Variants in CCSER1 observed in about 807,000 individuals in gnomAD.
CCSER1 encodes the protein coiled-coil serine rich protein 1.
A neutral mutation model predicts 82.0 loss-of-function variants in CCSER1; 41 were observed. The observed-to-expected ratio is 0.50, with a 90% confidence interval of 0.39 to 0.65. The LOEUF (loss-of-function observed/expected upper bound fraction) is 0.65, where lower values mean the gene tolerates loss of function less well. Among genes scored for constraint, CCSER1 ranks in the 30% least tolerant of loss-of-function variants. The pLI, the probability that CCSER1 is intolerant of heterozygous loss-of-function variation, is 0.00. For synonymous variants in CCSER1, 414 were observed against 383.9 expected (o/e 1.08, Z -0.92); for missense variants, 1,119 against 1,064.2 (o/e 1.05, Z -0.72).
intron 9 of CCSER1, among the ~76,000 whole-genome samples, chr4:90,948,184 A>C (rs959524972): frequency 6.6e-6 from 1 of 152,016 alleles, no homozygotes; most frequent in African/African-American, 2.4e-5. Flanking sequence ...TAATTGATTC[A>C]AATGGTTTTC....
At chr4:90,846,494 T>C (rs1276947633) in intron 8 of CCSER1, among the ~76,000 whole-genome samples, 1 of 152,212 alleles carries the variant, frequency 6.6e-6, no homozygotes, top group African/African-American at 2.4e-5. Context: ...TTTTGATACA[T>C]GCAGATAATG....
At chr4:90,710,914 T>C (rs1740480499) in intron 6 of CCSER1, among the ~76,000 whole-genome samples, 1 of 152,078 alleles carries the variant, frequency 6.6e-6, no homozygotes, top group Non-Finnish European at 1.5e-5. Flanking sequence ...ATAAACTACT[T>C]TTGGGAAGTA....
Position 90,308,245 on chromosome 4 carries a change from C to T in CCSER1, c.-40C>T. The T allele has an allele frequency of 6.8e-7, 1 of 1,480,656 alleles. No homozygotes were observed. The highest frequency in any genetic ancestry group is 9.0e-7 in the Non-Finnish European group (1 of 1,115,950). 91.7% of individuals were successfully genotyped at this position (1,480,656 alleles called of 1,614,324 possible). Reference sequence around the variant, plus strand: ...TGTTTTTGTTTTAACCTTTCTCAGGCTGCAAAGTTGGCTTTCACAGTGCAA... The same window carrying T: ...TGTTTTTGTTTTAACCTTTCTCAGGTTGCAAAGTTGGCTTTCACAGTGCAA... On this transcript the variant is annotated splice_region_variant and 5_prime_UTR_variant, in exon 2 of 11. Transcript: ENST00000509176.
intron 10 of CCSER1, among the ~76,000 whole-genome samples, chr4:91,206,923 T>C (rs17268935): frequency 0.13 from 19,213 of 151,878 alleles, 1,356 homozygotes; most frequent in Middle Eastern, 0.18. Flanking sequence ...TTAGACATTG[T>C]AGTACTCACC....
At chr4:91,485,866 A>C (rs1758192621) in intron 10 of CCSER1, among the ~76,000 whole-genome samples, 1 of 152,132 alleles carries the variant, frequency 6.6e-6, no homozygotes, top group Non-Finnish European at 1.5e-5. Flanking sequence ...AGATCATTGC[A>C]TACAAATAGA....
chr4:90,502,247 G>C (rs1159992877), intron 5 of CCSER1, among the ~76,000 whole-genome samples: 3 of 152,136 alleles, frequency 2.0e-5, no homozygotes, highest in African/African-American at 7.2e-5. Context: ...CAGCATGGAG[G>C]AAGTGTGAAG....
chr4:91,361,946 C>T (rs554622305), intron 10 of CCSER1, among the ~76,000 whole-genome samples: 4 of 151,632 alleles, frequency 2.6e-5, no homozygotes, highest in East Asian at 1.9e-4. Flanking sequence ...GGGTATTTGG[C>T]GCTATTTTAC....
intron 5 of CCSER1, among the ~76,000 whole-genome samples, chr4:90,525,431 A>T (rs1159526728): frequency 6.6e-6 from 1 of 152,174 alleles, no homozygotes; most frequent in African/African-American, 2.4e-5. Flanking sequence ...ATTGATTTTA[A>T]CAATTCTGTA....
intron 9 of CCSER1, among the ~76,000 whole-genome samples, chr4:91,080,890 G>C (rs1722636099): frequency 1.3e-5 from 2 of 151,510 alleles, no homozygotes; most frequent in African/African-American, 4.8e-5. Flanking sequence ...CCCAATAACA[G>C]GTTCTGAAAT....
intron 5 of CCSER1, among the ~76,000 whole-genome samples, chr4:90,580,177 A>G (rs1448218034): frequency 6.6e-6 from 1 of 152,184 alleles, no homozygotes; most frequent in Non-Finnish European, 1.5e-5. Flanking sequence ...ACACACATAT[A>G]TAATTATGCC....
intron 6 of CCSER1, among the ~76,000 whole-genome samples, chr4:90,712,056 CTA>C (rs367950457): frequency 1.8e-3 from 271 of 150,332 alleles, no homozygotes; most frequent in African/African-American, 6.5e-3. Context: ...ATTAGTCTAG[CTA>C]GTGGTCTATC....
chr4:90,689,805 G>A (rs2149222761), intron 6 of CCSER1, among the ~76,000 whole-genome samples: 1 of 152,204 alleles, frequency 6.6e-6, no homozygotes, highest in African/African-American at 2.4e-5. Flanking sequence ...AGCTCTGGAG[G>A]GTAAATTACA....
intron 5 of CCSER1, among the ~76,000 whole-genome samples, chr4:90,535,323 G>T (rs1055087002): frequency 6.6e-6 from 1 of 152,002 alleles, no homozygotes; most frequent in Non-Finnish European, 1.5e-5. Flanking sequence ...AGTGGTTCAC[G>T]CCTGTAATCC....
chr4:91,363,138 A>G (rs1749361476), intron 10 of CCSER1, among the ~76,000 whole-genome samples: 1 of 151,708 alleles, frequency 6.6e-6, no homozygotes, highest in African/African-American at 2.4e-5. Context: ...ACAAAAAACA[A>G]AAACAAAACA....
rs1164105947 is a variant in CCSER1, at chr4:90,923,400, G to A, written c.2125G>A (p.Ala709Thr). The change falls in exon 9 of 11, where the codon GCT (alanine) becomes ACT (threonine). Residue 709 changes from alanine to threonine, a missense_variant. Ala to Thr is a moderately conservative substitution (Grantham distance 58, BLOSUM62 0). Transcript: ENST00000509176. Reference protein sequence around the residue: ...GKVRHLQKAFASRVDKSTQTE... With the variant: ...GKVRHLQKAFTSRVDKSTQTE... Reference sequence around the variant, plus strand: ...AGTCCGGCATTTACAGAAGGCTTTTGCTTCAAGAGTAGATAAATCCACACA... The same window carrying A: ...AGTCCGGCATTTACAGAAGGCTTTTACTTCAAGAGTAGATAAATCCACACA... 1 of 1,551,406 alleles carries A rather than the reference G, an allele frequency of 6.4e-7. No individual in the cohort carries two copies. Among genetic ancestry groups the A allele is most frequent in the Non-Finnish European group, 8.7e-7 (1 of 1,146,786 alleles).
chr4:91,472,703 T>C (rs1757349006), intron 10 of CCSER1, among the ~76,000 whole-genome samples: 1 of 152,178 alleles, frequency 6.6e-6, no homozygotes, highest in South Asian at 2.1e-4. Context: ...TTGCAGCTCT[T>C]TGGGACCCTT....
intron 10 of CCSER1, among the ~76,000 whole-genome samples, chr4:91,123,093 A>G (rs983862889): frequency 2.6e-5 from 4 of 151,692 alleles, no homozygotes; most frequent in African/African-American, 7.2e-5. Flanking sequence ...TGCTTGTTCA[A>G]TGATACCTTT....
chr4:91,026,173 C>G (rs1294451909), intron 9 of CCSER1, among the ~76,000 whole-genome samples: 1 of 152,108 alleles, frequency 6.6e-6, no homozygotes, highest in African/African-American at 2.4e-5. Context: ...AAGGAACATG[C>G]ATGACACCTA....
chr4:90,298,192 A>T (rs2153472358), intron 1 of CCSER1, among the ~76,000 whole-genome samples: 1 of 152,074 alleles, frequency 6.6e-6, no homozygotes, highest in South Asian at 2.1e-4. Context: ...GTCTATTCAG[A>T]GATTCAACTT....
Sources: allele counts gnomAD v4.1 joint callset (sites outside exome capture counted in the v4.1 genomes callset), GRCh38; gene constraint gnomAD v4.1.1; transcripts MANE v1.5; gene names NCBI Gene and HGNC (gene_info 2026-07-23, HGNC 2026-07-21).